Variants in CNTNAP2 observed in about 807,000 individuals in gnomAD.
The protein encoded by CNTNAP2 is contactin associated protein 2.
A neutral mutation model predicts 155.2 loss-of-function variants in CNTNAP2; 98 were observed. That is an observed-to-expected ratio of 0.63 (90% CI 0.54 to 0.75). CNTNAP2 has a LOEUF of 0.75. CNTNAP2 is among the 30% of genes least tolerant of loss of function. The probability of loss-of-function intolerance (pLI) is 0.00; values close to 1 mark genes in which losing one functional copy is unlikely to be tolerated. For missense variants in CNTNAP2, 1,727 were observed against 1,688.1 expected (o/e 1.02, Z -0.40); for synonymous variants, 651 against 631.2 (o/e 1.03, Z -0.47).
At chr7:146,835,383 A>G (rs886308995) in intron 2 of CNTNAP2, among the ~76,000 whole-genome samples, 1 of 152,204 alleles carries the variant, frequency 6.6e-6, no homozygotes, top group Non-Finnish European at 1.5e-5. Context: ...GGTAATACAT[A>G]GAACTCTGTA....
intron 13 of CNTNAP2, among the ~76,000 whole-genome samples, chr7:147,858,986 C>T (rs901335430): frequency 4.6e-5 from 7 of 152,172 alleles, no homozygotes; most frequent in Non-Finnish European, 8.8e-5. Flanking sequence ...TATGTCAGAA[C>T]TCCTCTTATC....
chr7:146,153,217 A>G (rs1245809913), intron 1 of CNTNAP2, among the ~76,000 whole-genome samples: 1 of 152,148 alleles, frequency 6.6e-6, no homozygotes, highest in Non-Finnish European at 1.5e-5. Context: ...AAAATCTATC[A>G]TCTTGAAATT....
chr7:146,193,976 T>A (rs1798742871), intron 1 of CNTNAP2, among the ~76,000 whole-genome samples: 1 of 152,088 alleles, frequency 6.6e-6, no homozygotes, highest in African/African-American at 2.4e-5. Flanking sequence ...ATAACAAGAG[T>A]CACCTTTATG....
intron 13 of CNTNAP2, among the ~76,000 whole-genome samples, chr7:147,858,738 T>A (rs965528672): frequency 6.6e-6 from 1 of 151,814 alleles, no homozygotes; most frequent in African/African-American, 2.4e-5. Context: ...AAAGTTAGAG[T>A]CTAAAAGCTA....
intron 4 of CNTNAP2, among the ~76,000 whole-genome samples, chr7:147,084,978 C>G (rs1015051613): frequency 2.0e-5 from 3 of 151,492 alleles, no homozygotes; most frequent in African/African-American, 7.3e-5. Flanking sequence ...CCTTTGCTAC[C>G]CACTAACTCT....
intron 1 of CNTNAP2, among the ~76,000 whole-genome samples, chr7:146,729,187 T>C (rs1585062826): frequency 6.6e-6 from 1 of 152,270 alleles, no homozygotes; most frequent in South Asian, 2.1e-4. Flanking sequence ...TGTTCTTCAT[T>C]AGGGCTCCTC....
intron 13 of CNTNAP2, among the ~76,000 whole-genome samples, chr7:147,865,397 TTG>T (rs1257521544): frequency 6.6e-6 from 1 of 152,198 alleles, no homozygotes; most frequent in Non-Finnish European, 1.5e-5. Flanking sequence ...TCTTTTTTTG[TTG>T]TCTCTCTGCC....
At chr7:147,608,963 A>T (rs1163527153) in intron 12 of CNTNAP2, among the ~76,000 whole-genome samples, 2 of 152,140 alleles carry the variant, frequency 1.3e-5, no homozygotes, top group Non-Finnish European at 2.9e-5. Flanking sequence ...GAATTTCACA[A>T]GGTAATGGCA....
chr7:148,084,441 A>G (rs915983408), intron 15 of CNTNAP2, among the ~76,000 whole-genome samples: 4 of 152,144 alleles, frequency 2.6e-5, no homozygotes, highest in African/African-American at 9.7e-5. Context: ...AGCCCAGAGC[A>G]TTTTTCTCTT....
chr7:147,490,941 G>T (rs1798598928), intron 11 of CNTNAP2, among the ~76,000 whole-genome samples: 1 of 152,062 alleles, frequency 6.6e-6, no homozygotes, highest in South Asian at 2.1e-4. Context: ...CATCTCGTGA[G>T]AACTCACCCG....
chr7:147,171,158 C>G (rs905316872), intron 8 of CNTNAP2, among the ~76,000 whole-genome samples: 4 of 152,154 alleles, frequency 2.6e-5, no homozygotes, highest in African/African-American at 9.7e-5. Flanking sequence ...TGGGCTGTCC[C>G]CCAGGCTCTT....
At position 148,156,257 on chromosome 7, in the gene CNTNAP2, T is replaced by C. The variant is rs80341386; in HGVS notation, c.2773+8548T>C. On this transcript the variant is annotated intron_variant, in intron 17 of 23. Coordinates refer to ENST00000361727, the MANE Select transcript of CNTNAP2 (RefSeq NM_014141.6). Reference sequence around the variant, plus strand: ...TGTTTTGTTTTTGTTTTGTTTTGTTTTGAGTTCCTTTGGTAAAGCTTTTAT... The same window carrying C: ...TGTTTTGTTTTTGTTTTGTTTTGTTCTGAGTTCCTTTGGTAAAGCTTTTAT... Among the ~76,000 whole-genome samples the C allele has an allele frequency of 1.1e-3, 161 of 152,340 alleles. 1 individual carries two copies. The East Asian group carries it at 0.029, about 28-fold the overall frequency.
chr7:148,212,095 G>A (rs1219546529), intron 18 of CNTNAP2, among the ~76,000 whole-genome samples: 1 of 151,952 alleles, frequency 6.6e-6, no homozygotes, highest in African/African-American at 2.4e-5. Context: ...TTGAATAATA[G>A]GAGTGAGTGC....
intron 13 of CNTNAP2, among the ~76,000 whole-genome samples, chr7:147,719,664 A>G (rs1261716898): frequency 6.6e-6 from 1 of 152,108 alleles, no homozygotes; most frequent in Non-Finnish European, 1.5e-5. Flanking sequence ...AAATTTCAAC[A>G]CAACTAGGGA....
chr7:147,086,857 C>G (rs1253559548), intron 4 of CNTNAP2, among the ~76,000 whole-genome samples: 1 of 152,168 alleles, frequency 6.6e-6, no homozygotes, highest in African/African-American at 2.4e-5. Flanking sequence ...TAATTATTGT[C>G]AAAGCAAAAC....
chr7:146,568,166 G>A (rs915908601), intron 1 of CNTNAP2, among the ~76,000 whole-genome samples: 2 of 151,984 alleles, frequency 1.3e-5, no homozygotes, highest in African/African-American at 2.4e-5. Context: ...TTTTGACTTC[G>A]GGCTTTCCAA....
At chr7:146,341,455 A>G (rs1411606089) in intron 1 of CNTNAP2, among the ~76,000 whole-genome samples, 2 of 152,284 alleles carry the variant, frequency 1.3e-5, no homozygotes, top group South Asian at 4.1e-4. Context: ...ATATTTTAGC[A>G]TAGATGACAG....
chr7:148,043,485 T>G (rs1007374367), intron 15 of CNTNAP2, among the ~76,000 whole-genome samples: 3 of 152,252 alleles, frequency 2.0e-5, no homozygotes, highest in Non-Finnish European at 4.4e-5. Context: ...CTTTAATTAC[T>G]GAGTTATGGA....
chr7:146,525,566 A>C (rs557653561), intron 1 of CNTNAP2, among the ~76,000 whole-genome samples: 1 of 146,508 alleles, frequency 6.8e-6, no homozygotes, highest in African/African-American at 2.6e-5. Context: ...CTATCTATCT[A>C]TCTATCTATC....
Sources: allele counts gnomAD v4.1 joint callset (sites outside exome capture counted in the v4.1 genomes callset), GRCh38; gene constraint gnomAD v4.1.1; transcripts MANE v1.5; gene names NCBI Gene and HGNC (gene_info 2026-07-23, HGNC 2026-07-21).